ANKMY2: variants seen among roughly 807,000 people sequenced by gnomAD.
ANKMY2 encodes the protein ankyrin repeat and MYND domain containing 2.
In ANKMY2, 36 loss-of-function variants were observed where a neutral mutation model predicts 50.4. That is an observed-to-expected ratio of 0.71 (90% CI 0.55 to 0.94). ANKMY2 has a LOEUF of 0.94. ANKMY2 is among the 40% of genes least tolerant of loss of function. The pLI, the probability that ANKMY2 is intolerant of heterozygous loss-of-function variation, is 0.00. For synonymous variants in ANKMY2, 187 were observed against 178.8 expected (o/e 1.05, Z -0.36); for missense variants, 565 against 524.0 (o/e 1.08, Z -0.76).
rs113665104 is a variant in ANKMY2, at chr7:16,640,749, T to C, written c.68-4294A>G. Among the ~76,000 whole-genome samples the C allele has an allele frequency of 7.3e-3, 1,118 of 152,200 alleles. 16 individuals carry two copies. The highest frequency in any genetic ancestry group is 0.026 in the African/African-American group (1,062 of 41,518). On this transcript the variant is annotated intron_variant, in intron 1 of 9. Coordinates refer to ENST00000306999, the MANE Select transcript of ANKMY2 (RefSeq NM_020319.3). The stretch of plus-strand genomic sequence containing the variant: ...ATTGAGACCCAGGCTGGTGGCAAAC[T>C]CCTGGGTCCAAGTGATCCTCTTGGA...
At chr7:16,628,630 A>T (rs1476863086) in intron 2 of ANKMY2, among the ~76,000 whole-genome samples, 2 of 152,180 alleles carry the variant, frequency 1.3e-5, no homozygotes, top group East Asian at 1.9e-4. Context: ...GACTAAGGTG[A>T]TATCTCCTAA....
At chr7:16,610,052 A>G (rs756032035) in intron 6 of ANKMY2, among the ~76,000 whole-genome samples, 2 of 152,190 alleles carry the variant, frequency 1.3e-5, no homozygotes, top group Non-Finnish European at 2.9e-5. Context: ...AGTTATTTGT[A>G]CTAAGAATGA....
In ANKMY2 at chr7:16,604,829, G is replaced by C. The variant is rs748636586; in HGVS notation, c.903C>G (p.Phe301Leu). The C allele has an allele frequency of 1.2e-6, 2 of 1,613,538 alleles. No individual in the cohort carries two copies. Among genetic ancestry groups the C allele is most frequent in the Admixed American group, 3.3e-5 (2 of 59,860 alleles). The change falls in exon 8 of 10, where the codon TTC becomes TTG. Residue 301 changes from phenylalanine to leucine, a missense_variant. Phe to Leu is a conservative substitution (Grantham distance 22, BLOSUM62 0). Transcript: ENST00000306999. ...CAGTGATGGCTTGGGTAAGGACGGAGAATGCAGTGGGATCAGAACCCTAGA... is the reference window on the plus strand; with the variant it reads ...CAGTGATGGCTTGGGTAAGGACGGACAATGCAGTGGGATCAGAACCCTAGA... ...PVEIGSDPTAFSVLTQAITGQ... is the reference protein window; with the variant it reads ...PVEIGSDPTALSVLTQAITGQ...
intron 1 of ANKMY2, among the ~76,000 whole-genome samples, chr7:16,645,289 T>C (rs2128347827): frequency 6.6e-6 from 1 of 152,282 alleles, no homozygotes; most frequent in East Asian, 1.9e-4. Context: ...GCCGAGCCTC[T>C]GTAACTACCC....
chr7:16,639,863 A>G (rs530136974), intron 1 of ANKMY2, among the ~76,000 whole-genome samples: 6 of 152,290 alleles, frequency 3.9e-5, no homozygotes, highest in Admixed American at 3.9e-4. Flanking sequence ...AAGTGGAACA[A>G]GACCTGCAAA....
At chr7:16,624,872 G>GT (rs992070990) in intron 4 of ANKMY2, 111 bp downstream of exon 4, 2 of 894,012 alleles carry the variant, frequency 2.2e-6, no homozygotes, top group African/African-American at 1.7e-5. Context: ...AAATACTTAA[G>GT]TTTTTTTAAA....
intron 6 of ANKMY2, 51 bp from the exon 7 acceptor site, chr7:16,609,816 C>A: frequency 1.3e-6 from 2 of 1,586,312 alleles, no homozygotes; most frequent in Non-Finnish European, 1.7e-6. Context: ...TAAGCATTCT[C>A]TCCTAGTTGA....
chr7:16,618,320 A>C (rs948946463), intron 4 of ANKMY2, among the ~76,000 whole-genome samples: 7 of 152,204 alleles, frequency 4.6e-5, no homozygotes, highest in Admixed American at 3.3e-4. Context: ...CGAGTGGATG[A>C]AATATCTCAA....
chr7:16,637,240 T>C (rs894435834), intron 1 of ANKMY2, among the ~76,000 whole-genome samples: 1 of 152,226 alleles, frequency 6.6e-6, no homozygotes, highest in African/African-American at 2.4e-5. Context: ...AAGGCTAAGA[T>C]AAGCCTCTCC....
At chr7:16,640,930 A>G (rs962031155) in intron 1 of ANKMY2, among the ~76,000 whole-genome samples, 2 of 152,232 alleles carry the variant, frequency 1.3e-5, no homozygotes, top group Non-Finnish European at 2.9e-5. Context: ...GTTAGTTGTT[A>G]TAGTGTTTAC....
Position 16,604,854 on chromosome 7 carries a change from A to T in ANKMY2, c.883-5T>A. ...GAATGCAGTGGGATCAGAACCCTAGAGTGGGCATGAAGAGGAGAAAAAACA... is the reference window on the plus strand; with the variant it reads ...GAATGCAGTGGGATCAGAACCCTAGTGTGGGCATGAAGAGGAGAAAAAACA... On this transcript the variant is annotated splice_polypyrimidine_tract_variant and splice_region_variant and intron_variant, in intron 7 of 9. Transcript: ENST00000306999. 3 of 1,606,184 alleles carry T rather than the reference A, an allele frequency of 1.9e-6. No homozygotes were observed. The highest frequency in any genetic ancestry group is 2.7e-5 in the African/African-American group (2 of 74,534).
intron 4 of ANKMY2, among the ~76,000 whole-genome samples, chr7:16,617,471 G>A (rs1446787062): frequency 6.6e-6 from 1 of 152,168 alleles, no homozygotes; most frequent in African/African-American, 2.4e-5. Flanking sequence ...CTCCAACAGA[G>A]GGCTTCTTGG....
At chr7:16,631,443 T>A (rs1583682273) in intron 2 of ANKMY2, among the ~76,000 whole-genome samples, 1 of 152,298 alleles carries the variant, frequency 6.6e-6, no homozygotes, top group South Asian at 2.1e-4. Flanking sequence ...TATCTTCCCA[T>A]CTTTTTCTAA....
chr7:16,617,931 T>G (rs973247221), intron 4 of ANKMY2, among the ~76,000 whole-genome samples: 8 of 135,746 alleles, frequency 5.9e-5, no homozygotes, highest in Admixed American at 2.1e-4. Flanking sequence ...TTTTTTTTTT[T>G]TTTTTTTTTT....
chr7:16,615,625 C>T (rs1312477409), intron 5 of ANKMY2, 119 bp downstream of exon 5: 2 of 1,295,782 alleles, frequency 1.5e-6, no homozygotes, highest in East Asian at 5.1e-5. Context: ...AAAGAGCCCA[C>T]TGCAAGCTCT....
chr7:16,622,156 ATT>A (rs950990079), intron 4 of ANKMY2, among the ~76,000 whole-genome samples: 1 of 152,110 alleles, frequency 6.6e-6, no homozygotes, highest in Non-Finnish European at 1.5e-5. Context: ...TTTGAAACAC[ATT>A]TGTTAGATAA....
chr7:16,641,785 C>T (rs1781748493), intron 1 of ANKMY2, among the ~76,000 whole-genome samples: 1 of 151,684 alleles, frequency 6.6e-6, no homozygotes, highest in South Asian at 2.1e-4. Flanking sequence ...AAGAAGCCAG[C>T]CCCCCCTCAA....
chr7:16,636,293 A>T, intron 2 of ANKMY2, 98 bp downstream of exon 2: 1 of 682,226 alleles, frequency 1.5e-6, no homozygotes, highest in Non-Finnish European at 2.1e-6. Flanking sequence ...AAAGAGCAAC[A>T]CTCCATCTCA....
At chr7:16,630,382 G>A (rs911144537) in intron 2 of ANKMY2, among the ~76,000 whole-genome samples, 5 of 152,170 alleles carry the variant, frequency 3.3e-5, no homozygotes, top group Non-Finnish European at 7.4e-5. Context: ...AAATCCTCAC[G>A]TCCTTGTCAT....
Sources: allele counts gnomAD v4.1 joint callset (sites outside exome capture counted in the v4.1 genomes callset), GRCh38; gene constraint gnomAD v4.1.1; transcripts MANE v1.5; gene names NCBI Gene and HGNC (gene_info 2026-07-23, HGNC 2026-07-21).